The following ZNF610 variants were observed in gnomAD, a reference collection of about 807,000 sequenced individuals.
ZNF610 encodes zinc finger protein 610.
A neutral mutation model predicts 14.1 loss-of-function variants in ZNF610; 14 were observed. The ratio of observed to expected loss-of-function variants is 0.99; its 90% CI spans 0.65 to 1.55. ZNF610 has a LOEUF of 1.55. ZNF610 is among the 40% of genes most tolerant of loss of function. The pLI is 0.00. For missense variants in ZNF610, 530 were observed against 558.0 expected (o/e 0.95, Z 0.51); for synonymous variants, 185 against 187.6 (o/e 0.99, Z 0.11).
chr19:52,364,969 G>A (rs1985946221), intron 5 of ZNF610, among the ~76,000 whole-genome samples: 2 of 152,136 alleles, frequency 1.3e-5, no homozygotes, highest in Admixed American at 1.3e-4. Flanking sequence ...TGATAGGCTG[G>A]GCACGGTGGC....
chr19:52,343,814 G>A (rs562239045), intron 1 of ZNF610, among the ~76,000 whole-genome samples: 87 of 152,280 alleles, frequency 5.7e-4, no homozygotes, highest in Middle Eastern at 3.4e-3. Flanking sequence ...ATACAGCCAC[G>A]TCTCAGTGTA....
chr19:52,334,090 C>T (rs1003560888), upstream of ZNF610, among the ~76,000 whole-genome samples: 2 of 152,072 alleles, frequency 1.3e-5, no homozygotes, highest in Admixed American at 1.3e-4. Context: ...ACTGTAAAAC[C>T]CATACAAAAC....
chr19:52,354,835 TC>T (rs1437992594), intron 5 of ZNF610, among the ~76,000 whole-genome samples: 1 of 151,986 alleles, frequency 6.6e-6, no homozygotes, highest in African/African-American at 2.4e-5. Flanking sequence ...TGCCTCAGCC[TC>T]CCAAAGTCCT....
chr19:52,359,463 C>T (rs922023206), intron 5 of ZNF610, among the ~76,000 whole-genome samples: 15 of 152,042 alleles, frequency 9.9e-5, no homozygotes, highest in Non-Finnish European at 1.8e-4. Flanking sequence ...CCCATGGATA[C>T]GTAGGGCAGA....
intron 3 of ZNF610, among the ~76,000 whole-genome samples, chr19:52,350,652 T>G (rs542503410): frequency 1.3e-5 from 2 of 151,936 alleles, no homozygotes; most frequent in African/African-American, 4.8e-5. Flanking sequence ...CACTCCAGCC[T>G]GGGCGACAGA....
At chr19:52,334,960 A>ACACACACACACACACACAG (rs59969071), upstream of ZNF610, among the ~76,000 whole-genome samples, 9,601 of 136,342 alleles carry the variant, frequency 0.07, 460 homozygotes, top group Admixed American at 0.11. Flanking sequence ...CACACACACA[A>ACACACACACACACACACAG]TGTAATTTAC....
intron 5 of ZNF610, among the ~76,000 whole-genome samples, chr19:52,357,552 G>A (rs1039191114): frequency 2.0e-5 from 3 of 150,052 alleles, no homozygotes; most frequent in East Asian, 2.0e-4. Flanking sequence ...GGCTGAGCCC[G>A]GAGAATGGCC....
At chr19:52,358,157 C>T (rs1358613029) in intron 5 of ZNF610, among the ~76,000 whole-genome samples, 1 of 152,016 alleles carries the variant, frequency 6.6e-6, no homozygotes, top group African/African-American at 2.4e-5. Flanking sequence ...AAGAAATTTC[C>T]ATATTTTTTT....
chr19:52,365,539 C>T (rs370961808), intron 5 of ZNF610, among the ~76,000 whole-genome samples, 159 bp from the exon 6 acceptor site: 3 of 152,180 alleles, frequency 2.0e-5, no homozygotes, highest in South Asian at 2.1e-4. Context: ...CAATGCATCA[C>T]GTCACCCCCT....
intron 1 of ZNF610, among the ~76,000 whole-genome samples, chr19:52,344,841 G>C (rs1245467651): frequency 6.6e-6 from 1 of 152,142 alleles, no homozygotes; most frequent in Non-Finnish European, 1.5e-5. Flanking sequence ...GGAACGCAGT[G>C]GTGCAATATC....
intron 5 of ZNF610, among the ~76,000 whole-genome samples, chr19:52,364,669 T>G (rs1985934497): frequency 6.6e-6 from 1 of 152,140 alleles, no homozygotes; most frequent in African/African-American, 2.4e-5. Flanking sequence ...TTCCCCCATG[T>G]GAGGTTCAAG....
chr19:52,341,766 A>G (rs1984703055), intron 1 of ZNF610, among the ~76,000 whole-genome samples: 1 of 152,058 alleles, frequency 6.6e-6, no homozygotes, highest in South Asian at 2.1e-4. Flanking sequence ...AGGTAGGACT[A>G]CAGGCATGCA....
At position 52,353,780 on chromosome 19, in the gene ZNF610, G is replaced by A; in HGVS notation, c.162G>A (p.Leu54=). The A allele has an allele frequency of 1.2e-6, 2 of 1,613,146 alleles. No individual in the cohort carries two copies. The highest frequency in any genetic ancestry group is 1.7e-6 in the Non-Finnish European group (2 of 1,179,692). The change falls in exon 4 of 6, where the codon TTG becomes TTA. Residue 54 remains leucine, a synonymous_variant. Coordinates refer to ENST00000403906, the MANE Select transcript of ZNF610 (RefSeq NM_001161425.2). ...GQRALYRDVM[L]ENYRNLVFLG... ...GGGCTTTATACAGGGACGTGATGTT[G>A]GAGAACTACAGGAACCTGGTCTTTC... is the stretch of plus-strand genomic sequence containing the variant.
At chr19:52,338,919 AC>A (rs949403921) in intron 1 of ZNF610, among the ~76,000 whole-genome samples, 2 of 151,214 alleles carry the variant, frequency 1.3e-5, no homozygotes, top group African/African-American at 4.9e-5. Flanking sequence ...CATACGGAGG[AC>A]CCGCGCCGGC....
intron 5 of ZNF610, among the ~76,000 whole-genome samples, chr19:52,357,609 C>T (rs1260098360): frequency 7.9e-6 from 1 of 127,258 alleles, no homozygotes. Context: ...GGTGCCACTG[C>T]ACTCCAGCCT....
chr19:52,353,919 T>C, intron 4 of ZNF610, 111 bp downstream of exon 4: 1 of 1,371,800 alleles, frequency 7.3e-7, no homozygotes, highest in Non-Finnish European at 9.9e-7. Flanking sequence ...AGAAACCTTG[T>C]TGACTCAGAA....
chr19:52,340,761 A>G (rs547774102), intron 1 of ZNF610, among the ~76,000 whole-genome samples: 4 of 151,606 alleles, frequency 2.6e-5, no homozygotes, highest in Non-Finnish European at 5.9e-5. Flanking sequence ...ACTCACTACA[A>G]CCCCTGCCTC....
chr19:52,356,992 C>T (rs924518274), intron 5 of ZNF610, among the ~76,000 whole-genome samples: 3 of 152,126 alleles, frequency 2.0e-5, no homozygotes, highest in African/African-American at 7.2e-5. Context: ...TATTCTGATG[C>T]TGTGTACCTG....
At position 52,348,431 on chromosome 19, in the gene ZNF610, C is replaced by T. The variant is rs1037029431; in HGVS notation, c.-20+487C>T. ...TTTTTTTGTAATTATTTCAGTCTGT[C>T]GTTGGTTGAATCCCTGGATTTGGAT... On this transcript the variant is annotated intron_variant, in intron 2 of 5. Transcript: ENST00000403906. Among the ~76,000 whole-genome samples the T allele has an allele frequency of 4.0e-5, 6 of 151,866 alleles. No homozygotes were observed. The South Asian group carries it at 6.2e-4, about 16-fold the overall frequency.
Sources: allele counts gnomAD v4.1 joint callset (sites outside exome capture counted in the v4.1 genomes callset), GRCh38; gene constraint gnomAD v4.1.1; transcripts MANE v1.5; gene names NCBI Gene and HGNC (gene_info 2026-07-23, HGNC 2026-07-21).